The following SELENON variants were observed in gnomAD, a reference collection of about 807,000 sequenced individuals.
SELENON encodes selenoprotein N, 1.
In SELENON, 44 loss-of-function variants were observed where a neutral mutation model predicts 59.5. The ratio of observed to expected loss-of-function variants is 0.74; its 90% CI spans 0.58 to 0.95. The LOEUF (loss-of-function observed/expected upper bound fraction) is 0.95. SELENON is among the 40% of genes least tolerant of loss of function. SELENON has a pLI of 0.00. For synonymous variants in SELENON, 320 were observed against 305.6 expected (o/e 1.05, Z -0.49); for missense variants, 674 against 721.4 (o/e 0.93, Z 0.75).
chr1:25,811,337 G>C (rs1305570767), intron 7 of SELENON, 117 bp from the exon 7 acceptor site: 6 of 950,280 alleles, frequency 6.3e-6, no homozygotes, highest in Non-Finnish European at 1.0e-5. Context: ...TGTTCACCTT[G>C]AGAAACCTCA....
At chr1:25,801,271 CT>C (rs1224933808) in intron 2 of SELENON, 111 bp downstream of exon 2, 3 of 842,270 alleles carry the variant, frequency 3.6e-6, no homozygotes, top group Non-Finnish European at 6.2e-6. Context: ...CTCAGAGGCC[CT>C]GGACTCCTCC....
chr1:25,809,183 C>T (rs371373472), intron 6 of SELENON, 33 bp downstream of exon 5: 77 of 1,612,896 alleles, frequency 4.8e-5, no homozygotes, highest in Admixed American at 6.7e-5. Context: ...CCTGGAGCAC[C>T]GGGGAGGCAT....
chr1:25,812,760 T>C lies in SELENON; in HGVS notation c.1355T>C (p.Leu452Pro), dbSNP rs773737504. 4.3e-5 allele frequency: 70 copies of C among 1,613,494 alleles called. No individual in the cohort carries two copies. Among genetic ancestry groups the C allele is most frequent in the African/African-American group, 2.7e-5 (2 of 74,880 alleles). The change falls in exon 10 of 13, where the codon CTG (leucine) becomes CCG (proline). Residue 452 changes from leucine (L) to proline (P), a missense_variant. Transcript: ENST00000361547. ...AACAAGCTGGTGCACTCAATCCTGCTGTGGGGGGCCCTGGATGACCAGTCC... is the reference window on the plus strand; with the variant it reads ...AACAAGCTGGTGCACTCAATCCTGCCGTGGGGGGCCCTGGATGACCAGTCC...
chr1:25,808,171 G>A (rs1403312471), intron 4 of SELENON, among the ~76,000 whole-genome samples: 2 of 152,254 alleles, frequency 1.3e-5, no homozygotes, highest in Non-Finnish European at 2.9e-5. Flanking sequence ...AAGCCAGGCA[G>A]GGTGGTGGCA....
chr1:25,805,837 T>A (rs1223818823), intron 4 of SELENON, among the ~76,000 whole-genome samples: 2 of 152,066 alleles, frequency 1.3e-5, no homozygotes, highest in Non-Finnish European at 2.9e-5. Context: ...ATGCTCTCCT[T>A]GCCAGCCCCT....
At chr1:25,808,124 A>G (rs1418236310) in intron 4 of SELENON, among the ~76,000 whole-genome samples, 1 of 152,240 alleles carries the variant, frequency 6.6e-6, no homozygotes, top group East Asian at 1.9e-4. Context: ...TGGAGAGGAG[A>G]CTGGGGAGGG....
rs539535952 is a variant in SELENON at position 25,815,235 on chromosome 1, G to A, written c.1603-313G>A. ...AGCACGGAGTTCAGGATGGGAGTCC[G>A]GGGTCACAGGAACAGAGGAGAGGGG... On this transcript the variant is annotated intron_variant, in intron 12 of 12. Coordinates refer to ENST00000361547, the MANE Select transcript of SELENON (RefSeq NM_020451.3). 2.6e-5 allele frequency among the ~76,000 whole-genome samples: 4 copies of A among 152,108 alleles called. No homozygotes were observed. The East Asian group carries it at 7.7e-4, about 29-fold the overall frequency.
chr1:25,813,991 C>T lies in SELENON; in HGVS notation c.1498C>T (p.Gln500Ter), dbSNP rs763724398. Residue 500 changes from glutamine (Q) to a stop codon, truncating the protein, a stop_gained and splice_region_variant, in exon 11 of 13, where the codon CAG becomes TAG. Coordinates refer to ENST00000361547, the MANE Select transcript of SELENON (RefSeq NM_020451.3). LOFTEE classifies it high-confidence loss of function. The stretch of plus-strand genomic sequence containing the variant: ...CCTGGTGAAGGAGCTGGAGGAACTG[C>T]AGGTGAGCGGGCAGGTGGCAGGAAC... The T allele has an allele frequency of 2.5e-6, 4 of 1,613,616 alleles. No homozygotes were observed. Among genetic ancestry groups the T allele is most frequent in the South Asian group, 1.1e-5 (1 of 91,062 alleles).
In SELENON at chr1:25,816,933, A is replaced by T. The variant is rs376322639; in HGVS notation, c.*1215A>T. ...TTCTCCTCTTCAGCTTTTTAAAAAC[A>T]GTCCTCAGAGGATCCATGATCCCCA... is the stretch of plus-strand genomic sequence containing the variant. On this transcript the variant is annotated 3_prime_UTR_variant, in exon 13 of 13. Coordinates refer to ENST00000361547, the MANE Select transcript of SELENON (RefSeq NM_020451.3). 3 of 152,482 alleles carry T rather than the reference A, an allele frequency of 2.0e-5. No homozygotes were observed. The highest frequency in any genetic ancestry group is 7.2e-5 in the African/African-American group (3 of 41,566). 9.4% of individuals were successfully genotyped at this position (152,482 alleles called of 1,614,324 possible).
rs74060854 is a variant in SELENON at position 25,815,690 on chromosome 1, G to A, written c.1745G>A (p.Arg582Gln). Residue 582 changes from arginine (R) to glutamine (Q), a missense_variant, in exon 13 of 13, where the codon CGG becomes CAG. By Grantham distance (43) the Arg-to-Gln change is conservative (BLOSUM62 1). Coordinates refer to ENST00000361547, the MANE Select transcript of SELENON (RefSeq NM_020451.3). ...ATGCAGTTCCTGAAGGAGGGACTCC[G>A]GCGTGGCCTGCCCCTCCTCCAGCCC... is the stretch of plus-strand genomic sequence containing the variant. The A allele has an allele frequency of 4.3e-3, 6,876 of 1,614,058 alleles. 246 individuals carry two copies. The African/African-American group carries it at 0.076, about 18-fold the overall frequency.
intron 9 of SELENON, 88 bp from the exon 9 acceptor site, chr1:25,812,599 A>ACACACACTTG (rs1396572066): frequency 2.4e-6 from 2 of 833,718 alleles, no homozygotes; most frequent in East Asian, 2.7e-5. Flanking sequence ...ACACACACAC[A>ACACACACTTG]CACACACTTG....
At chr1:25,809,343 C>A (rs1016185408) in intron 6 of SELENON, among the ~76,000 whole-genome samples, 193 bp downstream of exon 5, 1 of 152,192 alleles carries the variant, frequency 6.6e-6, no homozygotes, top group Non-Finnish European at 1.5e-5. Context: ...TCGTAAGGCA[C>A]GTGAGGGTTC....
chr1:25,817,096 G>C lies in SELENON; in HGVS notation c.*1378G>C, dbSNP rs1425049583. On this transcript the variant is annotated 3_prime_UTR_variant, in exon 13 of 13. Transcript: ENST00000361547. The stretch of plus-strand genomic sequence containing the variant: ...CCCCACCCGGGGCTCACTCAGCCTG[G>C]CAGAGGAAGAAGGAAGGCAGACATC... 1 of 151,558 alleles carries C rather than the reference G, an allele frequency of 6.6e-6. No homozygotes were observed. Among genetic ancestry groups the C allele is most frequent in the African/African-American group, 2.4e-5 (1 of 41,152 alleles). The allele number at this position is 151,558 out of a possible 1,614,324, so 9.4% of individuals were successfully genotyped here.
Position 25,811,793 on chromosome 1 carries a change from G to C in SELENON, c.1195G>C (p.Val399Leu), listed in dbSNP as rs1337260819. 1 of 1,589,838 alleles carries C rather than the reference G, an allele frequency of 6.3e-7. No homozygotes were observed. Among genetic ancestry groups the C allele is most frequent in the Middle Eastern group, 1.7e-4 (1 of 6,014 alleles). ...GCCTTCAGGGGAGCCCCTGCAGTTT[G>C]TGTTTGAGGAGATCAAGTGGCAGCA... The change falls in exon 9 of 13, where the codon GTG becomes CTG. Residue 399 changes from valine (V) to leucine (L), a missense_variant. Physicochemically the swap from Val to Leu is conservative, Grantham distance 32. Transcript: ENST00000361547.
rs1375469213 is a variant in SELENON at position 25,814,195 on chromosome 1, A to C, written c.1602+17A>C. 1 of 1,607,770 alleles carries C rather than the reference A, an allele frequency of 6.2e-7. No homozygotes were observed. The highest frequency in any genetic ancestry group is 1.3e-5 in the African/African-American group (1 of 74,902). ...GGCACCGTGGTAGGCACCCCCACTC[A>C]GACCCCACAGGGCCCAGGCACCTCG... On this transcript the variant is annotated intron_variant, in intron 12 of 12. Transcript: ENST00000361547.
rs2048029436 is a variant in SELENON, at chr1:25,818,099, TTCATGTCCCC to T, written c.*2382_*2391del. 6.6e-6 allele frequency: 1 copy of T among 152,360 alleles called. No homozygotes were observed. Among genetic ancestry groups the T allele is most frequent in the Non-Finnish European group, 1.5e-5 (1 of 68,172 alleles). 9.4% of individuals were successfully genotyped at this position (152,360 alleles called of 1,614,324 possible). On this transcript the variant is annotated 3_prime_UTR_variant, in exon 13 of 13. Coordinates refer to ENST00000361547, the MANE Select transcript of SELENON (RefSeq NM_020451.3). Reference sequence around the variant, plus strand: ...GAGGCCTTATCTGATGCCTCTGCAGTTCATGTCCCCCACCAGGCCTCGAGGCTCAGGGTGG... The same window carrying T: ...GAGGCCTTATCTGATGCCTCTGCAGTCACCAGGCCTCGAGGCTCAGGGTGG...
At chr1:25,801,626 C>G (rs1290851280) in intron 2 of SELENON, among the ~76,000 whole-genome samples, 1 of 152,152 alleles carries the variant, frequency 6.6e-6, no homozygotes, top group Non-Finnish European at 1.5e-5. Context: ...CACCACTGCA[C>G]TCCAGCCTGG....
chr1:25,803,716 G>GTTTTTTTTTTTTTTTTTTTTTTTTGT (rs1305818320), intron 3 of SELENON, among the ~76,000 whole-genome samples: 1 of 96,128 alleles, frequency 1.0e-5, no homozygotes. Context: ...TTGTTTTTTT[G>GTTTTTTTTTTTTTTTTTTTTTTTTGT]TTTTTTTTTT....
At chr1:25,801,418 A>G (rs901244913) in intron 2 of SELENON, among the ~76,000 whole-genome samples, 15 of 152,260 alleles carry the variant, frequency 9.9e-5, no homozygotes, top group African/African-American at 2.4e-4. Flanking sequence ...TGTAATCCCA[A>G]CACTTTGGGA....
Sources: gnomAD v4.1 joint callset for allele counts (sites outside exome capture counted in the v4.1 genomes callset) on GRCh38, gnomAD v4.1.1 for gene constraint, MANE v1.5 for transcripts, NCBI Gene and HGNC (gene_info 2026-07-23, HGNC 2026-07-21) for gene names.